ZC3HAV1: variants seen among roughly 807,000 people sequenced by gnomAD.
ZC3HAV1 encodes the protein zinc finger CCCH-type antiviral protein 1.
ZC3HAV1 carries 41 observed loss-of-function variants against 86.6 expected under a neutral mutation model. That is an observed-to-expected ratio of 0.47 (90% confidence interval 0.37 to 0.61). The LOEUF (loss-of-function observed/expected upper bound fraction) is 0.61, where lower values mean the gene tolerates loss of function less well. Ranked by LOEUF, ZC3HAV1 falls within the 20% of genes least tolerant of loss-of-function variation. ZC3HAV1 has a pLI of 0.00. For synonymous variants in ZC3HAV1, 421 were observed against 432.1 expected (o/e 0.97, Z 0.32); for missense variants, 964 against 1,141.1 (o/e 0.84, Z 2.24).
chr7:139,079,719 A>G lies in ZC3HAV1; in HGVS notation c.1222T>C (p.Ser408Pro). 6.2e-7 allele frequency: 1 copy of G among 1,614,178 alleles called. No individual in the cohort carries two copies. Among genetic ancestry groups the G allele is most frequent in the South Asian group, 1.1e-5 (1 of 91,076 alleles). Residue 408 changes from serine to proline, a missense_variant, in exon 4 of 13, where the codon TCA becomes CCA. Coordinates refer to ENST00000242351, the MANE Select transcript of ZC3HAV1 (RefSeq NM_020119.4). ...TTRKGTGLLS[S>P]DYRIINGKSG... ...TTGCCATTGATGATCCTGTAGTCTG[A>G]GGAAAGCAAGCCTGTGCCCTTTCTG...
chr7:139,093,631 C>T (rs762054256), intron 1 of ZC3HAV1, among the ~76,000 whole-genome samples: 3 of 152,208 alleles, frequency 2.0e-5, no homozygotes, highest in Admixed American at 6.5e-5. Flanking sequence ...GGCCCCTGCC[C>T]GCCAGAGAAC....
At position 139,089,721 on chromosome 7, in the gene ZC3HAV1, T is replaced by C. The variant is rs1346016330; in HGVS notation, c.347A>G (p.Glu116Gly). 6.2e-7 allele frequency: 1 copy of C among 1,612,822 alleles called. No individual in the cohort carries two copies. The highest frequency in any genetic ancestry group is 1.7e-5 in the Admixed American group (1 of 59,702). Residue 116 changes from glutamate to glycine, a missense_variant, in exon 2 of 13, where the codon GAG (glutamate) becomes GGG (glycine). Transcript: ENST00000242351. ...CKYSHEVLSE[E>G]NFKVLKNHEL... ...GTGATTTTTCAGGACTTTGAAGTTC[T>C]CTTCTGAGAGAACCTCATGAGAATA...
At chr7:139,064,351 C>T (rs944123162) in intron 8 of ZC3HAV1, among the ~76,000 whole-genome samples, 21 of 152,214 alleles carry the variant, frequency 1.4e-4, no homozygotes, top group Admixed American at 9.2e-4. Flanking sequence ...GGTAGATTGG[C>T]GGCAGCTCAC....
At chr7:139,050,563 T>G (rs970193580) in intron 12 of ZC3HAV1, among the ~76,000 whole-genome samples, 21 of 151,748 alleles carry the variant, frequency 1.4e-4, no homozygotes, top group Non-Finnish European at 1.2e-4. Flanking sequence ...GATGGGGGGG[T>G]TTCACCATGT....
chr7:139,070,625 C>T (rs1383515493), intron 7 of ZC3HAV1, among the ~76,000 whole-genome samples: 36 of 143,622 alleles, frequency 2.5e-4, no homozygotes, highest in Admixed American at 1.8e-3. Flanking sequence ...GATCGCGCCA[C>T]TGCACTCCAG....
chr7:139,079,337 A>C, intron 4 of ZC3HAV1, 133 bp downstream of exon 4: 1 of 1,566,504 alleles, frequency 6.4e-7, no homozygotes. Context: ...TTCTGCCTTG[A>C]CTGCCATTGT....
chr7:139,051,003 A>G (rs925398854), intron 12 of ZC3HAV1, among the ~76,000 whole-genome samples: 5 of 151,498 alleles, frequency 3.3e-5, no homozygotes, highest in Admixed American at 2.0e-4. Flanking sequence ...ATCCTACTCT[A>G]TCTCTATCCT....
At chr7:139,062,942 T>G (rs1438241170) in intron 8 of ZC3HAV1, among the ~76,000 whole-genome samples, 3 of 146,900 alleles carry the variant, frequency 2.0e-5, no homozygotes, top group Non-Finnish European at 4.4e-5. Flanking sequence ...GGCAAGATAA[T>G]TGCTTGAACC....
At chr7:139,104,065 G>A (rs552267444) in intron 1 of ZC3HAV1, among the ~76,000 whole-genome samples, 24 of 152,064 alleles carry the variant, frequency 1.6e-4, no homozygotes, top group South Asian at 4.1e-4. Flanking sequence ...TTTAAAAGAG[G>A]AGCAAAACTG....
chr7:139,084,458 A>G (rs1817220742), intron 2 of ZC3HAV1, among the ~76,000 whole-genome samples: 1 of 152,266 alleles, frequency 6.6e-6, no homozygotes, highest in Non-Finnish European at 1.5e-5. Context: ...ACATTTCTCA[A>G]AAGATTGCCT....
In ZC3HAV1 at chr7:139,053,587, A is replaced by G. The variant is rs1235635628; in HGVS notation, c.2319-6T>C. On this transcript the variant is annotated splice_polypyrimidine_tract_variant and splice_region_variant and intron_variant, in intron 11 of 12. Transcript: ENST00000242351. ...CCTTCATCTGCGATTTCTTCCTAAT[A>G]TAAGAGATGTGAGACTTAACACGGA... 5 of 1,588,790 alleles carry G rather than the reference A, an allele frequency of 3.1e-6. No homozygotes were observed. The highest frequency in any genetic ancestry group is 2.3e-5 in the East Asian group (1 of 44,282).
intron 9 of ZC3HAV1, 171 bp downstream of exon 9, chr7:139,060,865 C>T: frequency 6.5e-7 from 1 of 1,532,562 alleles, no homozygotes; most frequent in Non-Finnish European, 8.8e-7. Flanking sequence ...TTCAGTCACA[C>T]CATGCTGCTT....
intron 6 of ZC3HAV1, 62 bp from the exon 7 acceptor site, chr7:139,074,092 G>A (rs528248794): frequency 2.9e-5 from 43 of 1,500,858 alleles, no homozygotes; most frequent in South Asian, 1.5e-4. Flanking sequence ...CTACAATCTC[G>A]TCTTCCCTAA....
At chr7:139,065,252 T>G (rs1816564442) in intron 7 of ZC3HAV1, among the ~76,000 whole-genome samples, 1 of 152,182 alleles carries the variant, frequency 6.6e-6, no homozygotes, top group Non-Finnish European at 1.5e-5. Flanking sequence ...TGTAGCTGTT[T>G]GCAATACTCT....
rs1387959860 is a variant in ZC3HAV1 at position 139,097,412 on chromosome 7, A to ATTTTTTTTTTTTTTTTTTTTTTTT, written c.309-7654_309-7653insAAAAAAAAAAAAAAAAAAAAAAAA. 2.7e-5 allele frequency among the ~76,000 whole-genome samples: 2 copies of ATTTTTTTTTTTTTTTTTTTTTTTT among 74,390 alleles called. 1 individual carries two copies. The highest frequency in any genetic ancestry group is 4.7e-5 in the Non-Finnish European group (2 of 42,220). The allele number at this position is 74,390 out of a possible 152,430, so 48.8% of individuals were successfully genotyped here. The stretch of plus-strand genomic sequence containing the variant: ...AAATATTGGAACTCCATATATATAT[A>ATTTTTTTTTTTTTTTTTTTTTTTT]TATATATATATATATATTTTTTTTT... On this transcript the variant is annotated intron_variant, in intron 1 of 12. Coordinates refer to ENST00000242351, the MANE Select transcript of ZC3HAV1 (RefSeq NM_020119.4).
intron 7 of ZC3HAV1, among the ~76,000 whole-genome samples, chr7:139,069,021 T>C (rs967526148): frequency 6.6e-6 from 1 of 152,230 alleles, no homozygotes; most frequent in Non-Finnish European, 1.5e-5. Context: ...GTTTCTATTG[T>C]AAAGGTATTC....
intron 11 of ZC3HAV1, 122 bp downstream of exon 11, chr7:139,053,843 G>C: frequency 3.0e-6 from 2 of 673,546 alleles, no homozygotes; most frequent in East Asian, 4.6e-5. Flanking sequence ...AAAAAAAAAA[G>C]ACTAGCGCCT....
At chr7:139,078,049 G>A (rs1043625927) in intron 5 of ZC3HAV1, among the ~76,000 whole-genome samples, 3 of 152,174 alleles carry the variant, frequency 2.0e-5, no homozygotes, top group Admixed American at 6.5e-5. Context: ...GACCAGCCTG[G>A]CCAACATGCA....
At chr7:139,107,619 A>C (rs1208435512) in intron 1 of ZC3HAV1, among the ~76,000 whole-genome samples, 1 of 152,180 alleles carries the variant, frequency 6.6e-6, no homozygotes, top group Non-Finnish European at 1.5e-5. Flanking sequence ...CCTGGCCAAC[A>C]TGGTGAAACC....
Sources: allele counts gnomAD v4.1 joint callset (sites outside exome capture counted in the v4.1 genomes callset), GRCh38; gene constraint gnomAD v4.1.1; transcripts MANE v1.5; gene names NCBI Gene and HGNC (gene_info 2026-07-23, HGNC 2026-07-21).